MSI2: variants seen among roughly 807,000 people sequenced by gnomAD.
The protein encoded by MSI2 is musashi RNA binding protein 2, also known as RNA-binding protein Musashi homolog 2.
In MSI2, 17 loss-of-function variants were observed where a neutral mutation model predicts 45.6. The observed-to-expected ratio is 0.37, with a 90% CI of 0.26 to 0.56. MSI2 has a LOEUF of 0.56. Among genes scored for constraint, MSI2 ranks in the 20% least tolerant of loss-of-function variants. MSI2 has a pLI of 0.77. For synonymous variants in MSI2, 156 were observed against 158.2 expected (o/e 0.99, Z 0.11); for missense variants, 293 against 444.2 (o/e 0.66, Z 3.06).
chr17:57,610,224 G>A (rs1383076738), intron 8 of MSI2, among the ~76,000 whole-genome samples: 6 of 152,088 alleles, frequency 3.9e-5, no homozygotes, highest in African/African-American at 1.4e-4. Flanking sequence ...AGGCTGAGGC[G>A]GGAAGATCAC....
At chr17:57,656,144 C>G (rs1911574688) in intron 11 of MSI2, among the ~76,000 whole-genome samples, 4 of 152,070 alleles carry the variant, frequency 2.6e-5, no homozygotes, top group African/African-American at 9.7e-5. Context: ...AGAGAAGGGG[C>G]TCCATATTTT....
intron 6 of MSI2, among the ~76,000 whole-genome samples, chr17:57,483,681 G>C (rs768108447): frequency 3.9e-5 from 6 of 152,208 alleles, no homozygotes; most frequent in Admixed American, 3.9e-4. Context: ...TGTCTCTGAG[G>C]GGGTGGATGC....
intron 10 of MSI2, among the ~76,000 whole-genome samples, chr17:57,651,402 C>A (rs3886593): frequency 1.3e-5 from 2 of 151,846 alleles, no homozygotes; most frequent in Non-Finnish European, 2.9e-5. Context: ...ACCGAGAGAT[C>A]AAATAAAGCC....
chr17:57,562,780 G>C (rs1003963512), intron 7 of MSI2, among the ~76,000 whole-genome samples: 1 of 151,960 alleles, frequency 6.6e-6, no homozygotes, highest in East Asian at 1.9e-4. Flanking sequence ...AATTGCACAC[G>C]GACTATTTTT....
chr17:57,481,264 G>A (rs2085641668), intron 6 of MSI2, among the ~76,000 whole-genome samples: 1 of 152,158 alleles, frequency 6.6e-6, no homozygotes, highest in Non-Finnish European at 1.5e-5. Context: ...TCTTTCAAAA[G>A]GATATATCCA....
At chr17:57,590,288 T>G (rs1904707332) in intron 7 of MSI2, among the ~76,000 whole-genome samples, 1 of 152,226 alleles carries the variant, frequency 6.6e-6, no homozygotes, top group Non-Finnish European at 1.5e-5. Flanking sequence ...GAGGAGGCTG[T>G]TCCCATCTTT....
chr17:57,367,489 C>T (rs1174948408), intron 5 of MSI2, among the ~76,000 whole-genome samples: 2 of 152,274 alleles, frequency 1.3e-5, no homozygotes, highest in Admixed American at 6.5e-5. Flanking sequence ...TTCAGGAAGA[C>T]TCTTGGGCCT....
At chr17:57,351,642 G>A (rs1221090313) in intron 5 of MSI2, among the ~76,000 whole-genome samples, 1 of 152,090 alleles carries the variant, frequency 6.6e-6, no homozygotes, top group East Asian at 1.9e-4. Flanking sequence ...GATCATCTGA[G>A]GTCAGGAGTT....
chr17:57,273,935 G>C (rs1908630900), intron 5 of MSI2, among the ~76,000 whole-genome samples: 1 of 152,204 alleles, frequency 6.6e-6, no homozygotes, highest in African/African-American at 2.4e-5. Context: ...GTCAGAGCGG[G>C]GGAACTGCTC....
chr17:57,653,577 T>C (rs1911347419), intron 11 of MSI2, among the ~76,000 whole-genome samples: 1 of 152,232 alleles, frequency 6.6e-6, no homozygotes, highest in African/African-American at 2.4e-5. Context: ...GGTATCATTA[T>C]AAACAAGCCT....
chr17:57,541,871 C>T (rs2057828967), intron 7 of MSI2, among the ~76,000 whole-genome samples: 1 of 152,224 alleles, frequency 6.6e-6, no homozygotes, highest in African/African-American at 2.4e-5. Flanking sequence ...CAGGAAATAA[C>T]TGAAAGTGCC....
At chr17:57,595,161 A>G (rs1477101271) in intron 7 of MSI2, among the ~76,000 whole-genome samples, 2 of 152,230 alleles carry the variant, frequency 1.3e-5, no homozygotes, top group Admixed American at 6.5e-5. Context: ...CATGAGAGTC[A>G]GAAGGGACCT....
At chr17:57,599,716 TC>T (rs1334465041) in intron 8 of MSI2, among the ~76,000 whole-genome samples, 3 of 152,186 alleles carry the variant, frequency 2.0e-5, no homozygotes, top group African/African-American at 7.2e-5. Context: ...TGGTCCACGT[TC>T]CCAGCACAGC....
intron 6 of MSI2, among the ~76,000 whole-genome samples, chr17:57,498,384 C>T (rs889620269): frequency 3.9e-5 from 6 of 152,230 alleles, no homozygotes; most frequent in Admixed American, 2.0e-4. Context: ...GCACCTAGGC[C>T]GCTGACGGCC....
chr17:57,376,585 C>T (rs1238922208), intron 5 of MSI2, among the ~76,000 whole-genome samples: 2 of 152,166 alleles, frequency 1.3e-5, no homozygotes, highest in Non-Finnish European at 2.9e-5. Context: ...TCTGGGTTTT[C>T]GGTTGTGATT....
rs1159599739 is a variant in MSI2, at chr17:57,679,409, A to G, written c.*32-140A>G. ...GCCAGGTGATTCTCGTGCGTATTCA[A>G]TAGTCCAGTGAAGTCCATCTTTGAA... On this transcript the variant is annotated intron_variant, in intron 13 of 13. Transcript: ENST00000284073. The G allele has an allele frequency of 1.9e-5, 5 of 265,432 alleles. No homozygotes were observed. In the South Asian group the frequency reaches 4.5e-4, roughly 24 times the overall value. 16.4% of individuals were successfully genotyped at this position (265,432 alleles called of 1,614,324 possible).
intron 7 of MSI2, among the ~76,000 whole-genome samples, chr17:57,541,837 T>C (rs1026861633): frequency 6.6e-6 from 1 of 152,198 alleles, no homozygotes; most frequent in Non-Finnish European, 1.5e-5. Flanking sequence ...AATTTCTCCC[T>C]CAACTTGCCA....
chr17:57,336,450 T>C (rs1366130767), intron 5 of MSI2, among the ~76,000 whole-genome samples: 1 of 152,186 alleles, frequency 6.6e-6, no homozygotes, highest in Non-Finnish European at 1.5e-5. Context: ...TACTGCTTCT[T>C]TTTTCGGGGT....
Position 57,561,588 on chromosome 17 carries a change from C to CT in MSI2, c.454+31865dup, listed in dbSNP as rs1202880172. ...TTTGCCCAGTTGCTGCTTTGATCTT[C>CT]TGGGCCCCTTTTGGGGTAGGAGGCT... is the stretch of plus-strand genomic sequence containing the variant. On this transcript the variant is annotated intron_variant, in intron 7 of 13. Coordinates refer to ENST00000284073, the MANE Select transcript of MSI2 (RefSeq NM_138962.4). 3.9e-5 allele frequency among the ~76,000 whole-genome samples: 6 copies of CT among 152,312 alleles called. No individual in the cohort carries two copies. The East Asian group carries it at 1.2e-3, about 29-fold the overall frequency.
Sources: allele counts gnomAD v4.1 joint callset (sites outside exome capture counted in the v4.1 genomes callset), GRCh38; gene constraint gnomAD v4.1.1; transcripts MANE v1.5; gene names NCBI Gene and HGNC (gene_info 2026-07-23, HGNC 2026-07-21).